CCNB2: variants seen among roughly 807,000 people sequenced by gnomAD.
The protein encoded by CCNB2 is G2/mitotic-specific cyclin-B2.
Under a neutral mutation model 51.1 loss-of-function variants are expected in CCNB2, and 39 were observed. The ratio of observed to expected loss-of-function variants is 0.76; its 90% CI spans 0.59 to 1.00. CCNB2 has a LOEUF of 1.00. Ranked by LOEUF, CCNB2 falls within the 50% of genes least tolerant of loss-of-function variation. CCNB2 has a pLI of 0.00. For synonymous variants in CCNB2, 174 were observed against 165.5 expected (o/e 1.05, Z -0.40); for missense variants, 472 against 470.3 (o/e 1.00, Z -0.03).
intron 8 of CCNB2, chr15:59,124,453 G>A: frequency 2.8e-6 from 1 of 357,118 alleles, no homozygotes; most frequent in South Asian, 2.8e-5. Context: ...ATGTCCTGAT[G>A]GCACTTAGGT....
Position 59,111,613 on chromosome 15 carries a change from A to G in CCNB2, c.268-2831A>G, listed in dbSNP as rs1429859648. 2.0e-5 allele frequency among the ~76,000 whole-genome samples: 3 copies of G among 152,370 alleles called. No individual in the cohort carries two copies. In the East Asian group the frequency reaches 5.8e-4, roughly 29 times the overall value. ...ACGTTTGGATAAAATCTAAGCTTCT[A>G]GAAGCTCGGCTGTTGTTCAGCTTTT... On this transcript the variant is annotated intron_variant, in intron 3 of 8. Transcript: ENST00000288207.
At chr15:59,108,527 G>A (rs2140285650) in intron 3 of CCNB2, among the ~76,000 whole-genome samples, 1 of 135,688 alleles carries the variant, frequency 7.4e-6, no homozygotes, top group South Asian at 2.2e-4. Context: ...AAATGTGTTA[G>A]GATGTCTCAG....
At chr15:59,113,803 G>A (rs1242790030) in intron 3 of CCNB2, among the ~76,000 whole-genome samples, 2 of 152,142 alleles carry the variant, frequency 1.3e-5, no homozygotes, top group Non-Finnish European at 2.9e-5. Flanking sequence ...TTGGCTCATT[G>A]CAACCTCTGC....
At chr15:59,121,279 A>G (rs541742544) in intron 7 of CCNB2, 1 of 152,324 alleles carries the variant, frequency 6.6e-6, no homozygotes, top group African/African-American at 2.4e-5. Context: ...ATAGAGGATC[A>G]TTCTTTCAGT....
chr15:59,117,019 G>A (rs553648682), intron 6 of CCNB2, 93 bp downstream of exon 6: 67 of 1,119,614 alleles, frequency 6.0e-5, no homozygotes, highest in African/African-American at 5.6e-4. Context: ...TTTATAGGAC[G>A]CTTCCTTTAG....
intron 7 of CCNB2, 83 bp downstream of exon 7, chr15:59,117,451 C>CT: frequency 7.2e-7 from 1 of 1,384,360 alleles, no homozygotes; most frequent in Non-Finnish European, 1.0e-6. Flanking sequence ...TTTTACAACA[C>CT]TATCCTTGAA....
chr15:59,107,174 TAGA>T, intron 1 of CCNB2, 145 bp from the exon 2 acceptor site: 1 of 687,042 alleles, frequency 1.5e-6, no homozygotes, highest in Non-Finnish European at 2.4e-6. Context: ...ATAGCATTTT[TAGA>T]CTTCCTGAAA....
At chr15:59,114,927 T>G in intron 5 of CCNB2, 51 bp downstream of exon 5, 1 of 1,551,606 alleles carries the variant, frequency 6.4e-7, no homozygotes, top group Admixed American at 1.9e-5. Flanking sequence ...AACATTGCAT[T>G]TATGCTTGGG....
chr15:59,107,969 A>G (rs1213388147), intron 3 of CCNB2, among the ~76,000 whole-genome samples: 1 of 152,110 alleles, frequency 6.6e-6, no homozygotes, highest in Non-Finnish European at 1.5e-5. Flanking sequence ...ACTGCACTCT[A>G]GCCTGGACAG....
intron 5 of CCNB2, among the ~76,000 whole-genome samples, chr15:59,116,379 A>T (rs1437228427): frequency 1.3e-5 from 2 of 152,204 alleles, no homozygotes; most frequent in Non-Finnish European, 2.9e-5. Flanking sequence ...TGGCAATTGA[A>T]TGATCTTGGC....
At chr15:59,113,659 T>C (rs2079267014) in intron 3 of CCNB2, among the ~76,000 whole-genome samples, 1 of 152,210 alleles carries the variant, frequency 6.6e-6, no homozygotes, top group African/African-American at 2.4e-5. Context: ...ATAGGTTTTA[T>C]GAGATGAGAC....
intron 7 of CCNB2, among the ~76,000 whole-genome samples, chr15:59,118,668 G>T (rs1168819147): frequency 6.6e-6 from 1 of 152,178 alleles, no homozygotes; most frequent in African/African-American, 2.4e-5. Flanking sequence ...TGGCGGACAG[G>T]GCGAGACTCT....
rs2079232747 is a variant in CCNB2, at chr15:59,105,638, C to T, written c.24+346C>T. 3.9e-5 allele frequency among the ~76,000 whole-genome samples: 6 copies of T among 152,224 alleles called. No individual in the cohort carries two copies. The South Asian group carries it at 1.2e-3, about 31-fold the overall frequency. On this transcript the variant is annotated intron_variant, in intron 1 of 8. Transcript: ENST00000288207. The stretch of plus-strand genomic sequence containing the variant: ...TCATTGCTAGAGAGTTATCTACTTC[C>T]ACGTTCCTGGGATTTCCCTCCCCCT...
intron 8 of CCNB2, chr15:59,123,867 A>T: frequency 2.3e-6 from 1 of 429,232 alleles, no homozygotes; most frequent in East Asian, 4.0e-5. Flanking sequence ...GTCCAGGCCC[A>T]GATCCCAGTC....
At chr15:59,123,908 C>A in intron 8 of CCNB2, 1 of 334,442 alleles carries the variant, frequency 3.0e-6, no homozygotes, top group South Asian at 3.6e-5. Context: ...TATTGAATTA[C>A]TCTGTGCTTA....
intron 3 of CCNB2, 118 bp downstream of exon 3, chr15:59,107,788 T>G (rs2079242149): frequency 1.4e-6 from 1 of 719,770 alleles, no homozygotes; most frequent in Non-Finnish European, 2.3e-6. Flanking sequence ...GGAGCTCTGC[T>G]TTGAAGCAAT....
intron 3 of CCNB2, 87 bp from the exon 4 acceptor site, chr15:59,114,357 C>A: frequency 2.2e-6 from 2 of 910,564 alleles, no homozygotes; most frequent in Non-Finnish European, 3.4e-6. Flanking sequence ...TTCAGATGTG[C>A]GTATGATATT....
At chr15:59,115,026 G>A (rs1337893864) in intron 5 of CCNB2, 150 bp downstream of exon 5, 1 of 810,640 alleles carries the variant, frequency 1.2e-6, no homozygotes. Context: ...AAAAAGGGAA[G>A]TAATCCAAGT....
At chr15:59,119,492 G>T (rs1055266494) in intron 7 of CCNB2, among the ~76,000 whole-genome samples, 2 of 149,292 alleles carry the variant, frequency 1.3e-5, no homozygotes, top group Admixed American at 1.3e-4. Context: ...TCTGTAACCT[G>T]AACACAGCAT....
Sources: gnomAD v4.1 joint callset for allele counts (sites outside exome capture counted in the v4.1 genomes callset) on GRCh38, gnomAD v4.1.1 for gene constraint, MANE v1.5 for transcripts, NCBI Gene and HGNC (gene_info 2026-07-23, HGNC 2026-07-21) for gene names.